Variants in DNMBP observed in about 807,000 individuals in gnomAD.
The protein encoded by DNMBP is dynamin-binding protein.
DNMBP carries 87 observed loss-of-function variants against 150.0 expected under a neutral mutation model. That is an observed-to-expected ratio of 0.58 (90% confidence interval 0.49 to 0.69). DNMBP has a LOEUF of 0.69. Ranked by LOEUF, DNMBP falls within the 30% of genes least tolerant of loss-of-function variation. The pLI is 0.00. For missense variants in DNMBP, 1,774 were observed against 1,949.0 expected (o/e 0.91, Z 1.69); for synonymous variants, 711 against 750.4 (o/e 0.95, Z 0.86).
rs11816205 is a variant in DNMBP, at chr10:99,898,397, G to C, written c.2721-112C>G. The C allele has an allele frequency of 1.7e-3, 1,331 of 801,696 alleles. 12 individuals are homozygous for C. In the African/African-American group the frequency reaches 0.019, roughly 11 times the overall value. 49.7% of individuals were successfully genotyped at this position (801,696 alleles called of 1,614,324 possible). ...AACTTTTTTTTAACATAATAATAATGTACACCTATGGGCAGGATTTGTTCC... is the reference window on the plus strand; with the variant it reads ...AACTTTTTTTTAACATAATAATAATCTACACCTATGGGCAGGATTTGTTCC... On this transcript the variant is annotated intron_variant, in intron 8 of 16. Coordinates refer to ENST00000324109, the MANE Select transcript of DNMBP (RefSeq NM_015221.4).
At chr10:99,969,283 T>G in intron 2 of DNMBP, 46 bp from the exon 3 acceptor site, 1 of 1,609,452 alleles carries the variant, frequency 6.2e-7, no homozygotes, top group Non-Finnish European at 8.5e-7. Context: ...TGAGATTTCT[T>G]TTCCCGTCTG....
At chr10:99,900,420 A>G (rs2039722256) in intron 6 of DNMBP, among the ~76,000 whole-genome samples, 1 of 151,966 alleles carries the variant, frequency 6.6e-6, no homozygotes, top group African/African-American at 2.4e-5. Context: ...GCATGCCACC[A>G]TGCCCAGCTA....
chr10:99,894,481 G>C (rs1407083458), intron 11 of DNMBP, among the ~76,000 whole-genome samples: 1 of 152,136 alleles, frequency 6.6e-6, no homozygotes, highest in Non-Finnish European at 1.5e-5. Flanking sequence ...ACCTTTAGAG[G>C]CCTTATTATA....
At chr10:99,892,733 G>A (rs1418618791) in intron 11 of DNMBP, among the ~76,000 whole-genome samples, 1 of 148,972 alleles carries the variant, frequency 6.7e-6, no homozygotes, top group Non-Finnish European at 1.5e-5. Flanking sequence ...CCCTCTGTGA[G>A]AAACACCCAA....
At chr10:99,907,912 T>TA in intron 6 of DNMBP, 83 bp downstream of exon 6, 1 of 941,648 alleles carries the variant, frequency 1.1e-6, no homozygotes, top group Non-Finnish European at 1.7e-6. Flanking sequence ...GAGGCATAGT[T>TA]ACTCAGTATC....
chr10:99,904,644 TA>T (rs747021170), intron 6 of DNMBP, among the ~76,000 whole-genome samples: 158 of 152,160 alleles, frequency 1.0e-3, no homozygotes, highest in Non-Finnish European at 1.9e-3. Flanking sequence ...ATCCCTCCTC[TA>T]AAAATTAGTC....
chr10:99,879,880 A>T lies in DNMBP; in HGVS notation c.4479T>A (p.Cys1493Ter), dbSNP rs2039336432. Residue 1493 changes from cysteine (C) to a stop codon, truncating the protein, a stop_gained, in exon 16 of 17, where the codon TGT (cysteine) becomes TGA (stop). Coordinates refer to ENST00000324109, the MANE Select transcript of DNMBP (RefSeq NM_015221.4). LOFTEE classifies it high-confidence loss of function. ...NGQSQDLVKG[C>*]ARTAQAPEDR... ...CTTCCGGAGCCTGGGCTGTTCTTGC[A>T]CATCCTTTGACGAGGTCTTGACTTT... 3.7e-6 allele frequency: 6 copies of T among 1,614,220 alleles called. No homozygotes were observed. The highest frequency in any genetic ancestry group is 5.1e-6 in the Non-Finnish European group (6 of 1,180,048).
intron 6 of DNMBP, among the ~76,000 whole-genome samples, chr10:99,900,636 T>C (rs2039725672): frequency 6.7e-6 from 1 of 149,956 alleles, no homozygotes; most frequent in South Asian, 2.1e-4. Context: ...CCCCTCAGTT[T>C]CTTATTTTTT....
chr10:99,970,390 A>C (rs1434739937), intron 2 of DNMBP, among the ~76,000 whole-genome samples: 1 of 152,202 alleles, frequency 6.6e-6, no homozygotes. Context: ...CGATGTGAAC[A>C]TATATCTTAC....
chr10:99,880,430 A>G (rs896091434), intron 15 of DNMBP, 69 bp from the exon 16 acceptor site: 2 of 1,445,584 alleles, frequency 1.4e-6, no homozygotes, highest in Non-Finnish European at 1.8e-6. Context: ...GGGAGCATTG[A>G]GAGAAAAAAA....
intron 1 of DNMBP, among the ~76,000 whole-genome samples, chr10:99,988,853 GGT>G (rs1274985028): frequency 1.4e-4 from 22 of 152,078 alleles, no homozygotes; most frequent in African/African-American, 5.1e-4. Flanking sequence ...GTAGAGATGG[GGT>G]TTTACCATGT....
intron 1 of DNMBP, among the ~76,000 whole-genome samples, chr10:99,982,845 A>T (rs896841552): frequency 1.3e-5 from 2 of 151,962 alleles, no homozygotes; most frequent in Admixed American, 6.6e-5. Flanking sequence ...CCAGCTACTC[A>T]GGGCGGGGGT....
At chr10:99,926,752 C>G (rs55957832) in intron 4 of DNMBP, among the ~76,000 whole-genome samples, 9,632 of 152,140 alleles carry the variant, frequency 0.063, 356 homozygotes, top group Middle Eastern at 0.19. Context: ...TTCAACTGTG[C>G]ATGCAGGTGA....
rs71009800 is a variant in DNMBP, at chr10:100,001,233, T to TAAAAAAAA, written c.-11+8597_-11+8604dup. On this transcript the variant is annotated intron_variant, in intron 1 of 16. Coordinates refer to ENST00000324109, the MANE Select transcript of DNMBP (RefSeq NM_015221.4). ...AGGACAGAGCAAGACTCCGTCTCAT[T>TAAAAAAAA]AAAAAAAAAAAAAAAAAAAAAAAAA... is the stretch of plus-strand genomic sequence containing the variant. Among the ~76,000 whole-genome samples the TAAAAAAAA allele has an allele frequency of 3.7e-4, 8 of 21,730 alleles. 4 individuals are homozygous for TAAAAAAAA. The highest frequency in any genetic ancestry group is 6.1e-4 in the Non-Finnish European group (6 of 9,858). The allele number at this position is 21,730 out of a possible 152,430, so 14.3% of individuals were successfully genotyped here. A position where few individuals can be genotyped will look rare whatever the true frequency, so the allele number is the denominator to read the frequency against.
intron 4 of DNMBP, among the ~76,000 whole-genome samples, chr10:99,942,517 A>G (rs1162356320): frequency 6.6e-6 from 1 of 152,216 alleles, no homozygotes; most frequent in Non-Finnish European, 1.5e-5. Flanking sequence ...GTCTCAGGCT[A>G]TCTGAAGATG....
At chr10:99,950,933 G>A (rs2040414790) in intron 4 of DNMBP, among the ~76,000 whole-genome samples, 1 of 152,248 alleles carries the variant, frequency 6.6e-6, no homozygotes. Flanking sequence ...AAGACAATGG[G>A]GAAAATGTCT....
chr10:99,878,638 A>G (rs2039312088), intron 16 of DNMBP, among the ~76,000 whole-genome samples: 1 of 152,214 alleles, frequency 6.6e-6, no homozygotes, highest in Non-Finnish European at 1.5e-5. Flanking sequence ...AGACAGTGGC[A>G]GAGGCAGCAC....
chr10:99,929,196 AAAG>A (rs906138833), intron 4 of DNMBP, among the ~76,000 whole-genome samples: 2 of 152,004 alleles, frequency 1.3e-5, no homozygotes, highest in African/African-American at 4.8e-5. Flanking sequence ...ATTAATGTCC[AAAG>A]AAGTGTAGAG....
chr10:99,991,946 A>T (rs2040898210), intron 1 of DNMBP, among the ~76,000 whole-genome samples: 1 of 149,768 alleles, frequency 6.7e-6, no homozygotes, highest in South Asian at 2.1e-4. Flanking sequence ...CTTAGAGCGT[A>T]TGTAAGTTAA....
Sources: gnomAD v4.1 joint callset for allele counts (sites outside exome capture counted in the v4.1 genomes callset) on GRCh38, gnomAD v4.1.1 for gene constraint, MANE v1.5 for transcripts, NCBI Gene and HGNC (gene_info 2026-07-23, HGNC 2026-07-21) for gene names.